The following PHF21B variants were observed in gnomAD, a reference collection of about 807,000 sequenced individuals.
The protein encoded by PHF21B is PHD finger protein 4.
PHF21B carries 22 observed loss-of-function variants against 62.2 expected under a neutral mutation model. That is an observed-to-expected ratio of 0.35 (90% CI 0.25 to 0.51). The LOEUF (loss-of-function observed/expected upper bound fraction) is 0.51. Ranked by LOEUF, PHF21B falls within the 20% of genes least tolerant of loss-of-function variation. The pLI, the probability that PHF21B is intolerant of heterozygous loss-of-function variation, is 0.97. For missense variants in PHF21B, 701 were observed against 707.9 expected (o/e 0.99, Z 0.11); for synonymous variants, 341 against 314.7 (o/e 1.08, Z -0.88).
At chr22:45,007,846 C>T (rs907250443) in intron 2 of PHF21B, among the ~76,000 whole-genome samples, 3 of 151,364 alleles carry the variant, frequency 2.0e-5, no homozygotes, top group Non-Finnish European at 2.9e-5. Context: ...GCTGAAACCC[C>T]GAGCGCTGAG....
chr22:44,974,392 C>T (rs1357076426), intron 2 of PHF21B, among the ~76,000 whole-genome samples: 1 of 147,798 alleles, frequency 6.8e-6, no homozygotes, highest in African/African-American at 2.5e-5. Context: ...CCAGCCTGGG[C>T]GACAGAGACC....
chr22:44,977,586 G>A (rs903888913), intron 2 of PHF21B, among the ~76,000 whole-genome samples: 4 of 151,234 alleles, frequency 2.6e-5, no homozygotes, highest in African/African-American at 9.7e-5. Flanking sequence ...AAAGGATATC[G>A]CTTGTTTTTT....
intron 2 of PHF21B, chr22:44,970,794 A>G (rs957335543): frequency 1.3e-5 from 2 of 152,222 alleles, no homozygotes; most frequent in Non-Finnish European, 2.9e-5. Context: ...TACAGCCAGG[A>G]AAGATTTGGG....
intron 3 of PHF21B, among the ~76,000 whole-genome samples, chr22:44,918,317 C>A (rs1430950260): frequency 6.6e-6 from 1 of 152,220 alleles, no homozygotes; most frequent in Non-Finnish European, 1.5e-5. Flanking sequence ...TTCTTGTTGA[C>A]CCTGGCCGCC....
chr22:44,991,299 G>A (rs1330874898), intron 2 of PHF21B, among the ~76,000 whole-genome samples: 2 of 152,214 alleles, frequency 1.3e-5, no homozygotes, highest in Admixed American at 1.3e-4. Flanking sequence ...ACTCCACGGT[G>A]CAGTACAGAT....
intron 2 of PHF21B, among the ~76,000 whole-genome samples, chr22:44,974,840 A>C (rs1367500608): frequency 6.6e-6 from 1 of 152,236 alleles, no homozygotes; most frequent in Non-Finnish European, 1.5e-5. Flanking sequence ...ATTTGTTTCA[A>C]TGAATAGCGT....
chr22:44,957,177 C>A (rs1213740608), intron 2 of PHF21B, among the ~76,000 whole-genome samples: 1 of 152,252 alleles, frequency 6.6e-6, no homozygotes, highest in Non-Finnish European at 1.5e-5. Flanking sequence ...GACCCACAGC[C>A]TCTGCAGGGG....
Position 44,888,048 on chromosome 22 carries a change from G to C in PHF21B, c.1112C>G (p.Pro371Arg), listed in dbSNP as rs758614606. Reference sequence around the variant, plus strand: ...CAGGCAGCTGAGGTGGTAGGCCCCCGGGCAGGTGCCGCAGGGCTGCAGGTT... The same window carrying C: ...CAGGCAGCTGAGGTGGTAGGCCCCCCGGCAGGTGCCGCAGGGCTGCAGGTT... ...GANLQPCGTC[P>R]GAYHLSCLEP... Residue 371 changes from proline to arginine, a missense_variant, in exon 10 of 13, where the codon CCG (proline) becomes CGG (arginine). Physicochemically the swap from Pro to Arg is moderately radical, Grantham distance 103 (BLOSUM62 -2). Transcript: ENST00000313237. 3.0e-5 allele frequency: 46 copies of C among 1,554,504 alleles called. No homozygotes were observed. Among genetic ancestry groups the C allele is most frequent in the Non-Finnish European group, 4.0e-5 (46 of 1,149,826 alleles).
intron 2 of PHF21B, among the ~76,000 whole-genome samples, chr22:44,973,483 G>C (rs2072677438): frequency 6.6e-6 from 1 of 152,186 alleles, no homozygotes; most frequent in Non-Finnish European, 1.5e-5. Context: ...ACAGGCTGCT[G>C]GAGCCAGGAA....
intron 5 of PHF21B, chr22:44,902,399 G>A (rs2071175797): frequency 3.5e-6 from 1 of 284,522 alleles, no homozygotes; most frequent in South Asian, 4.5e-5. Context: ...CCTGATGAGT[G>A]GAGTTTATCC....
intron 2 of PHF21B, among the ~76,000 whole-genome samples, chr22:44,969,994 G>A (rs565595906): frequency 2.7e-4 from 41 of 152,292 alleles, no homozygotes; most frequent in African/African-American, 7.7e-4. Context: ...CTCCAGCAGC[G>A]CAGCCACTTC....
At chr22:44,901,708 A>G in intron 5 of PHF21B, 1 of 420,790 alleles carries the variant, frequency 2.4e-6, no homozygotes, top group Non-Finnish European at 4.2e-6. Context: ...AGCCCCATTG[A>G]AGCTGAAATC....
chr22:44,921,564 A>G (rs1324903542), intron 2 of PHF21B, among the ~76,000 whole-genome samples: 3 of 150,576 alleles, frequency 2.0e-5, no homozygotes, highest in African/African-American at 7.4e-5. Flanking sequence ...ACGGGGTTTC[A>G]CCGTGTTAGC....
chr22:44,942,022 G>A (rs967644150), intron 2 of PHF21B, among the ~76,000 whole-genome samples: 1 of 152,218 alleles, frequency 6.6e-6, no homozygotes. Flanking sequence ...TCCACGACAT[G>A]GCCCGAGGCC....
chr22:44,947,585 G>A lies in PHF21B; in HGVS notation c.121-27095C>T, dbSNP rs751166292. Reference sequence around the variant, plus strand: ...CAGAGCACTCACCGCAGCCCCGCTCGGCAGCACAGGCACCAAATTCTGCCT... The same window carrying A: ...CAGAGCACTCACCGCAGCCCCGCTCAGCAGCACAGGCACCAAATTCTGCCT... On this transcript the variant is annotated intron_variant, in intron 2 of 12. Coordinates refer to ENST00000313237, the MANE Select transcript of PHF21B (RefSeq NM_138415.5). 6.0e-5 allele frequency among the ~76,000 whole-genome samples: 9 copies of A among 151,212 alleles called. No homozygotes were observed. In the South Asian group the frequency reaches 8.3e-4, roughly 14 times the overall value.
chr22:44,982,120 T>G (rs1195457956), intron 2 of PHF21B, among the ~76,000 whole-genome samples: 1 of 152,194 alleles, frequency 6.6e-6, no homozygotes, highest in Admixed American at 6.5e-5. Context: ...TCTCTCCTGG[T>G]TCTGCCAGGA....
Position 44,885,846 on chromosome 22 carries a change from C to T in PHF21B, c.1273+17G>A, listed in dbSNP as rs2070847762. 2.5e-6 allele frequency: 4 copies of T among 1,612,952 alleles called. No homozygotes were observed. Among genetic ancestry groups the T allele is most frequent in the African/African-American group, 2.7e-5 (2 of 74,940 alleles). ...GGGGGAGCAGGTACCCTTTTCCACT[C>T]CCCAGGGATGCCTCACCTGTCTTGT... On this transcript the variant is annotated intron_variant, in intron 11 of 12. Transcript: ENST00000313237.
At chr22:44,985,602 AG>A (rs2072930679) in intron 2 of PHF21B, among the ~76,000 whole-genome samples, 1 of 152,018 alleles carries the variant, frequency 6.6e-6, no homozygotes, top group African/African-American at 2.4e-5. Flanking sequence ...ATCTCTCAAA[AG>A]AAAAAAAAAA....
intron 2 of PHF21B, among the ~76,000 whole-genome samples, chr22:44,992,995 G>C (rs1266065873): frequency 1.3e-5 from 2 of 152,130 alleles, no homozygotes; most frequent in African/African-American, 4.8e-5. Context: ...AGTCCAACAG[G>C]GCATGGGACT....
Sources: gnomAD v4.1 joint callset for allele counts (sites outside exome capture counted in the v4.1 genomes callset) on GRCh38, gnomAD v4.1.1 for gene constraint, MANE v1.5 for transcripts, NCBI Gene and HGNC (gene_info 2026-07-23, HGNC 2026-07-21) for gene names.